The following MYRF variants were observed in gnomAD, a reference collection of about 807,000 sequenced individuals.
MYRF encodes the protein myelin regulatory factor, also known as myelin gene regulatory factor.
Under a neutral mutation model 126.3 loss-of-function variants are expected in MYRF, and 16 were observed. That is an observed-to-expected ratio of 0.13 (90% confidence interval 0.09 to 0.19). The LOEUF (loss-of-function observed/expected upper bound fraction) is 0.19. Ranked by LOEUF, MYRF falls within the 10% of genes least tolerant of loss-of-function variation. MYRF has a pLI of 1.00. For synonymous variants in MYRF, 608 were observed against 635.3 expected (o/e 0.96, Z 0.65); for missense variants, 1,104 against 1,547.0 (o/e 0.71, Z 4.80).
chr11:61,765,750 C>T (rs1325063449), intron 2 of MYRF, 38 bp downstream of exon 2: 22 of 1,576,940 alleles, frequency 1.4e-5, no homozygotes, highest in Non-Finnish European at 1.9e-5. Flanking sequence ...CCCGCCCAGC[C>T]CCAGCCCTTC....
chr11:61,780,833 C>T (rs1357493507), intron 19 of MYRF, 41 bp downstream of exon 19: 1 of 1,555,368 alleles, frequency 6.4e-7, no homozygotes, highest in African/African-American at 1.4e-5. Context: ...GCTCCTGCTG[C>T]CCCTCTTCCT....
rs999750493 is a variant in MYRF at position 61,787,099 on chromosome 11, G to A, written c.*956G>A. On this transcript the variant is annotated 3_prime_UTR_variant, in exon 27 of 27. Transcript: ENST00000278836. Reference sequence around the variant, plus strand: ...GCAGCAGCCTGGTCTTGGCTGGTGGGCAGATGCAAATAGCTTTTGCTGTTA... The same window carrying A: ...GCAGCAGCCTGGTCTTGGCTGGTGGACAGATGCAAATAGCTTTTGCTGTTA... 6 of 152,774 alleles carry A rather than the reference G, an allele frequency of 3.9e-5. No individual in the cohort carries two copies. The highest frequency in any genetic ancestry group is 2.6e-4 in the Admixed American group (4 of 15,286). 9.5% of individuals were successfully genotyped at this position (152,774 alleles called of 1,614,324 possible). A position where few individuals can be genotyped will look rare whatever the true frequency, so the allele number is the denominator to read the frequency against.
intron 3 of MYRF, 76 bp from the exon 4 acceptor site, chr11:61,769,184 C>G (rs1477150834): frequency 4.3e-5 from 37 of 852,372 alleles, no homozygotes; most frequent in Non-Finnish European, 3.8e-6. Context: ...GGGACCCTAC[C>G]ACGCAGAGAA....
In MYRF at chr11:61,776,972, G is replaced by A; in HGVS notation, c.1590+95G>A. ...CCCGGGTACTGAGAGTCAGGAGTGGGCATGCTCATCCTGCTAGGCACTGGC... is the reference window on the plus strand; with the variant it reads ...CCCGGGTACTGAGAGTCAGGAGTGGACATGCTCATCCTGCTAGGCACTGGC... On this transcript the variant is annotated intron_variant, in intron 11 of 26. Transcript: ENST00000278836. This position sits in a 1 kb window ranked among gnomAD's most constrained non-coding sequence, Gnocchi z 4.3. The A allele has an allele frequency of 1.8e-6, 2 of 1,098,710 alleles. No individual in the cohort carries two copies. Among genetic ancestry groups the A allele is most frequent in the East Asian group, 2.6e-5 (1 of 38,652 alleles). The allele number at this position is 1,098,710 out of a possible 1,614,324, so 68.1% of individuals were successfully genotyped here. A position where few individuals can be genotyped will look rare whatever the true frequency, so the allele number is the denominator to read the frequency against.
chr11:61,768,117 CAAA>C (rs561078800), intron 3 of MYRF, among the ~76,000 whole-genome samples: 8 of 60,356 alleles, frequency 1.3e-4, no homozygotes, highest in Middle Eastern at 8.8e-3. Flanking sequence ...GACTCTGTCT[CAAA>C]AAAAAAAAAA....
chr11:61,785,780 C>G lies in MYRF; in HGVS notation c.3301-20C>G, dbSNP rs1353557419. On this transcript the variant is annotated intron_variant, in intron 25 of 26. Coordinates refer to ENST00000278836, the MANE Select transcript of MYRF (RefSeq NM_001127392.3). ...ATAAGGGCAGCAGTCTGTCCTGACC[C>G]CTCTCTCCCTTCTCTCCAGGGCACC... The G allele has an allele frequency of 6.2e-7, 1 of 1,610,182 alleles. No homozygotes were observed. Among genetic ancestry groups the G allele is most frequent in the Admixed American group, 1.7e-5 (1 of 60,014 alleles).
At chr11:61,775,966 A>T in intron 8 of MYRF, 90 bp from the exon 9 acceptor site, 1 of 1,209,218 alleles carries the variant, frequency 8.3e-7, no homozygotes, top group Non-Finnish European at 1.2e-6. Context: ...GGTGAGCTCT[A>T]GTTGGGCCAG....
chr11:61,756,705 C>T (rs944727782), intron 1 of MYRF, among the ~76,000 whole-genome samples: 1 of 151,896 alleles, frequency 6.6e-6, no homozygotes, highest in African/African-American at 2.4e-5. Flanking sequence ...GGGGACGCAC[C>T]CCAGAAAGCA....
chr11:61,765,052 C>A (rs1204273664), intron 1 of MYRF, among the ~76,000 whole-genome samples: 1 of 152,210 alleles, frequency 6.6e-6, no homozygotes, highest in African/African-American at 2.4e-5. Context: ...GTGCAGGAGA[C>A]TCCCACAGCC....
intron 1 of MYRF, among the ~76,000 whole-genome samples, chr11:61,754,679 A>G (rs2065695697): frequency 6.6e-6 from 1 of 151,426 alleles, no homozygotes. Flanking sequence ...CGGCTTAGCC[A>G]TGCAGCGGCC....
intron 1 of MYRF, chr11:61,755,592 AC>A: frequency 4.1e-6 from 4 of 968,198 alleles, no homozygotes; most frequent in Non-Finnish European, 6.5e-6. Context: ...CTGGCAGGGA[AC>A]CCCCAAAGAG....
In MYRF at chr11:61,783,316, G is replaced by A. The variant is rs1339112039; in HGVS notation, c.3017-182G>A. The A allele has an allele frequency of 1.8e-6, 1 of 563,922 alleles. No homozygotes were observed. Among genetic ancestry groups the A allele is most frequent in the African/African-American group, 1.9e-5 (1 of 53,466 alleles). 34.9% of individuals were successfully genotyped at this position (563,922 alleles called of 1,614,324 possible). On this transcript the variant is annotated intron_variant, in intron 22 of 26. Transcript: ENST00000278836. This position sits in a 1 kb window ranked among gnomAD's most constrained non-coding sequence, Gnocchi z 4.6. ...GCAGACGTCAGGCTCATGGGAACTGGGTAGTCCTAGGGCTGCTGAGGAAAG... is the reference window on the plus strand; with the variant it reads ...GCAGACGTCAGGCTCATGGGAACTGAGTAGTCCTAGGGCTGCTGAGGAAAG...
chr11:61,758,743 T>G (rs1299518063), intron 1 of MYRF, among the ~76,000 whole-genome samples: 3 of 152,218 alleles, frequency 2.0e-5, no homozygotes, highest in African/African-American at 7.2e-5. Flanking sequence ...ATTTTGCTGC[T>G]CTCGTCATCT....
At chr11:61,784,494 A>G in intron 25 of MYRF, 109 bp downstream of exon 25, 1 of 864,356 alleles carries the variant, frequency 1.2e-6, no homozygotes, top group Admixed American at 2.4e-5. Context: ...TATAGAGTAA[A>G]GCCTTCTCCA....
intron 1 of MYRF, among the ~76,000 whole-genome samples, chr11:61,760,013 G>A (rs1001521856): frequency 6.4e-4 from 97 of 151,834 alleles, no homozygotes; most frequent in Non-Finnish European, 1.2e-3. Flanking sequence ...CTGTCGCCCA[G>A]GCTGGAGTGT....
At chr11:61,761,269 G>GT (rs2065893438) in intron 1 of MYRF, among the ~76,000 whole-genome samples, 1 of 145,344 alleles carries the variant, frequency 6.9e-6, no homozygotes, top group African/African-American at 2.4e-5. Flanking sequence ...TGGGGGGGGG[G>GT]GCACATAAGC....
In MYRF at chr11:61,783,482, A is replaced by G. The variant is rs369383144; in HGVS notation, c.3017-16A>G. On this transcript the variant is annotated splice_polypyrimidine_tract_variant and intron_variant, in intron 22 of 26. Coordinates refer to ENST00000278836, the MANE Select transcript of MYRF (RefSeq NM_001127392.3). This position sits in a 1 kb window ranked among gnomAD's most constrained non-coding sequence, Gnocchi z 4.6. Reference sequence around the variant, plus strand: ...CATTTGTGTCCTGCCTTGTCACCTTACTCCTGCCCCAACAGCCTCTCTCCT... The same window carrying G: ...CATTTGTGTCCTGCCTTGTCACCTTGCTCCTGCCCCAACAGCCTCTCTCCT... The G allele has an allele frequency of 6.0e-5, 97 of 1,604,136 alleles. No homozygotes were observed. The highest frequency in any genetic ancestry group is 7.8e-5 in the Non-Finnish European group (91 of 1,172,238).
chr11:61,784,581 C>A, intron 25 of MYRF, 196 bp downstream of exon 25: 1 of 580,604 alleles, frequency 1.7e-6, no homozygotes, highest in Middle Eastern at 4.6e-4. Context: ...TTGCACTCTG[C>A]TGAGCATCTC....
Position 61,781,756 on chromosome 11 carries a change from G to T in MYRF, c.2948G>T (p.Arg983Leu). Reference protein sequence around the residue: ...KNSPSLGFHGRARRGALQSSV... With the variant: ...KNSPSLGFHGLARRGALQSSV... ...AGTCCCAGCCTTGGTTTCCATGGCC[G>T]GGCCCGCCGAGGGGCCCTCCAGTCC... is the stretch of plus-strand genomic sequence containing the variant. The change falls in exon 22 of 27, where the codon CGG (arginine) becomes CTG (leucine). Residue 983 changes from arginine (R) to leucine (L), a missense_variant. Physicochemically the swap from Arg to Leu is moderately radical, Grantham distance 102. This residue lies in a region of MYRF where 323 missense variants were observed against 383.1 expected (regional missense o/e 0.84). Transcript: ENST00000278836. 1 of 1,611,272 alleles carries T rather than the reference G, an allele frequency of 6.2e-7. No homozygotes were observed. The highest frequency in any genetic ancestry group is 1.7e-4 in the Middle Eastern group (1 of 6,046).
Sources: allele counts gnomAD v4.1 joint callset (sites outside exome capture counted in the v4.1 genomes callset), GRCh38; gene constraint gnomAD v4.1.1; regional missense constraint gnomAD v4.1.1; non-coding constraint Gnocchi (gnomAD v3.1); transcripts MANE v1.5; gene names NCBI Gene and HGNC (gene_info 2026-07-23, HGNC 2026-07-21).